GPHN: variants seen among roughly 807,000 people sequenced by gnomAD.
The protein encoded by GPHN is gephyrin.
In GPHN, 17 loss-of-function variants were observed where a neutral mutation model predicts 95.5. That is an observed-to-expected ratio of 0.18 (90% CI 0.12 to 0.27). The LOEUF is 0.27. GPHN is among the 10% of genes least tolerant of loss of function. GPHN has a pLI of 1.00. For missense variants in GPHN, 660 were observed against 978.1 expected (o/e 0.67, Z 4.34); for synonymous variants, 320 against 322.5 (o/e 0.99, Z 0.08).
At chr14:67,671,564 C>A in the GPHN span, among the ~76,000 whole-genome samples, 40 of 152,212 alleles carry the variant, frequency 2.6e-4, no homozygotes, top group African/African-American at 7.2e-4. Context: ...AAAAGAAATT[C>A]ACATATTTCT....
chr14:67,327,230 A>G, the GPHN span, among the ~76,000 whole-genome samples: 1 of 152,198 alleles, frequency 6.6e-6, no homozygotes, highest in Non-Finnish European at 1.5e-5. Context: ...AAACATTCAT[A>G]AAGTCTTTTT....
At chr14:67,152,958 C>T (rs1033805524) in intron 18 of GPHN, among the ~76,000 whole-genome samples, 1 of 128,444 alleles carries the variant, frequency 7.8e-6, no homozygotes, top group Non-Finnish European at 1.5e-5. Context: ...AGCGAGACTC[C>T]GTGTCAAAAA....
chr14:66,600,027 A>G (rs2062158488), intron 1 of GPHN, among the ~76,000 whole-genome samples: 1 of 152,040 alleles, frequency 6.6e-6, no homozygotes, highest in Non-Finnish European at 1.5e-5. Context: ...TGCATTTTTA[A>G]TATTAGAAAC....
At chr14:67,127,113 G>A (rs897604853) in intron 17 of GPHN, among the ~76,000 whole-genome samples, 5 of 123,856 alleles carry the variant, frequency 4.0e-5, no homozygotes, top group Admixed American at 8.6e-5. Context: ...GGGGGAGGGG[G>A]GAAGGGGGAG....
At chr14:66,808,685 T>C (rs898659631) in intron 3 of GPHN, among the ~76,000 whole-genome samples, 4 of 152,162 alleles carry the variant, frequency 2.6e-5, no homozygotes, top group African/African-American at 9.7e-5. Context: ...TAATTGCAGC[T>C]TCTCAGGAGG....
At chr14:67,679,761 A>G in the GPHN span, among the ~76,000 whole-genome samples, 4 of 152,306 alleles carry the variant, frequency 2.6e-5, no homozygotes, top group Non-Finnish European at 4.4e-5. Flanking sequence ...CTTAAGGACA[A>G]TTCTGACTCA....
At chr14:67,280,257 T>C in the GPHN span, among the ~76,000 whole-genome samples, 2 of 152,250 alleles carry the variant, frequency 1.3e-5, no homozygotes, top group African/African-American at 2.4e-5. Context: ...TATTTAATCA[T>C]TGAATTTACT....
chr14:66,832,483 G>A lies in GPHN; in HGVS notation c.294+7917G>A, dbSNP rs78390303. On this transcript the variant is annotated intron_variant, in intron 4 of 22. Transcript: ENST00000478722. ...TTGGTGGATATGTCTTAAAAATAAGGACTTGTCTTGAAACAGCCAGATATG... is the reference window on the plus strand; with the variant it reads ...TTGGTGGATATGTCTTAAAAATAAGAACTTGTCTTGAAACAGCCAGATATG... Among the ~76,000 whole-genome samples, 471 of 152,214 alleles carry A rather than the reference G, an allele frequency of 3.1e-3. 11 individuals are homozygous for A. Among genetic ancestry groups the A allele is most frequent in the African/African-American group, 0.011 (446 of 41,534 alleles).
At position 66,904,131 on chromosome 14, in the gene GPHN, C is replaced by G. The variant is rs145455903; in HGVS notation, c.390-11872C>G. ...GGTGGGTTCGTGGTCTCGCTGACTT[C>G]AAGAATGAAGCCGCGGACCTTTGCA... On this transcript the variant is annotated intron_variant, in intron 5 of 22. Coordinates refer to ENST00000478722, the MANE Select transcript of GPHN (RefSeq NM_020806.5). Among the ~76,000 whole-genome samples, 829 of 152,212 alleles carry G rather than the reference C, an allele frequency of 5.4e-3. 10 individuals carry two copies. The highest frequency in any genetic ancestry group is 0.019 in the African/African-American group (786 of 41,532).
At chr14:66,658,066 A>G (rs1448498892) in intron 1 of GPHN, among the ~76,000 whole-genome samples, 1 of 152,202 alleles carries the variant, frequency 6.6e-6, no homozygotes, top group Admixed American at 6.5e-5. Flanking sequence ...AGTTCAAAAT[A>G]CCAGCATTAA....
At chr14:66,809,284 T>G (rs902196314) in intron 3 of GPHN, among the ~76,000 whole-genome samples, 1 of 152,160 alleles carries the variant, frequency 6.6e-6, no homozygotes, top group Non-Finnish European at 1.5e-5. Flanking sequence ...TATATCACAG[T>G]GGTTAATAAA....
At chr14:66,859,946 A>G (rs925935723) in intron 4 of GPHN, among the ~76,000 whole-genome samples, 27 of 152,248 alleles carry the variant, frequency 1.8e-4, no homozygotes, top group South Asian at 1.2e-3. Context: ...ACAAGAAAAT[A>G]AAAAAGGATG....
At chr14:67,377,588 C>T in the GPHN span, among the ~76,000 whole-genome samples, 1 of 152,234 alleles carries the variant, frequency 6.6e-6, no homozygotes, top group Non-Finnish European at 1.5e-5. Context: ...GCTGCTGTCA[C>T]TGGAATTTGT....
At chr14:66,703,752 G>T (rs1473643178) in intron 2 of GPHN, among the ~76,000 whole-genome samples, 1 of 152,074 alleles carries the variant, frequency 6.6e-6, no homozygotes, top group Non-Finnish European at 1.5e-5. Flanking sequence ...TAACCAGGTA[G>T]CATCATGATG....
At chr14:66,744,854 CA>C (rs967575929) in intron 2 of GPHN, among the ~76,000 whole-genome samples, 18 of 140,558 alleles carry the variant, frequency 1.3e-4, no homozygotes, top group Admixed American at 1.0e-3. Context: ...TATAGCAATG[CA>C]ATTTTTTTTT....
chr14:67,665,996 C>T, the GPHN span, among the ~76,000 whole-genome samples: 5 of 152,074 alleles, frequency 3.3e-5, no homozygotes, highest in African/African-American at 1.2e-4. Context: ...GAAATAATAC[C>T]GACAGTCAAA....
chr14:67,374,299 A>G, the GPHN span, among the ~76,000 whole-genome samples: 1 of 152,190 alleles, frequency 6.6e-6, no homozygotes, highest in African/African-American at 2.4e-5. Context: ...AGCATTTCTG[A>G]TGAGGGATAC....
chr14:66,728,602 C>T (rs1027768088), intron 2 of GPHN, among the ~76,000 whole-genome samples: 1 of 152,230 alleles, frequency 6.6e-6, no homozygotes, highest in East Asian at 1.9e-4. Flanking sequence ...GACTGCCTTG[C>T]TGGCTTTCAG....
At chr14:66,572,316 G>A (rs576899846) in intron 1 of GPHN, among the ~76,000 whole-genome samples, 6 of 152,152 alleles carry the variant, frequency 3.9e-5, no homozygotes, top group Non-Finnish European at 7.3e-5. Context: ...CAGTGGTTAC[G>A]TTGAATCTGT....
Sources: gnomAD v4.1 joint callset for allele counts (sites outside exome capture counted in the v4.1 genomes callset) on GRCh38, gnomAD v4.1.1 for gene constraint, MANE v1.5 for transcripts, NCBI Gene and HGNC (gene_info 2026-07-23, HGNC 2026-07-21) for gene names.